Variants in EAF2 observed in about 807,000 individuals in gnomAD.
EAF2 encodes the protein ELL-associated factor 2.
In EAF2, 29 loss-of-function variants were observed where a neutral mutation model predicts 29.4. That is an observed-to-expected ratio of 0.99 (90% CI 0.73 to 1.35). The LOEUF (loss-of-function observed/expected upper bound fraction) is 1.35, where lower values mean the gene tolerates loss of function less well. Ranked by LOEUF, EAF2 falls within the 40% of genes most tolerant of loss-of-function variation. EAF2 has a pLI of 0.00. For synonymous variants in EAF2, 103 were observed against 102.5 expected, an observed-to-expected ratio of 1.00 and a Z score of -0.03; for missense variants, 292 against 312.0, an observed-to-expected ratio of 0.94 and a Z score of 0.48.
intron 4 of EAF2, among the ~76,000 whole-genome samples, chr3:121,865,782 C>T (rs1379559796): frequency 6.6e-6 from 1 of 152,188 alleles, no homozygotes; most frequent in Non-Finnish European, 1.5e-5. Flanking sequence ...TGAGTGACTG[C>T]ATTCCTCAAA....
chr3:121,846,811 G>A (rs1708537803), intron 2 of EAF2, among the ~76,000 whole-genome samples: 1 of 151,610 alleles, frequency 6.6e-6, no homozygotes, highest in Non-Finnish European at 1.5e-5. Context: ...AAAGAAATGA[G>A]GTTTCTTATG....
intron 4 of EAF2, among the ~76,000 whole-genome samples, chr3:121,867,448 A>G (rs919343472): frequency 2.6e-5 from 4 of 152,206 alleles, no homozygotes; most frequent in Admixed American, 1.3e-4. Context: ...TTAACATCCT[A>G]TTTCTCATCT....
At chr3:121,868,493 G>A (rs1320213305) in intron 4 of EAF2, among the ~76,000 whole-genome samples, 5 of 152,150 alleles carry the variant, frequency 3.3e-5, no homozygotes, top group Non-Finnish European at 7.4e-5. Flanking sequence ...AGCCACTCAG[G>A]AAGCTGAGGC....
chr3:121,869,079 A>G (rs1294698863), intron 4 of EAF2, among the ~76,000 whole-genome samples: 1 of 152,226 alleles, frequency 6.6e-6, no homozygotes, highest in Non-Finnish European at 1.5e-5. Context: ...AGATATCTCT[A>G]AACACTTGAA....
chr3:121,845,456 A>AG (rs1346391435), intron 2 of EAF2, among the ~76,000 whole-genome samples: 18 of 147,688 alleles, frequency 1.2e-4, no homozygotes, highest in Admixed American at 2.7e-4. Context: ...AAAAAAAAAA[A>AG]AAAAAAGAAA....
At chr3:121,851,466 A>G (rs933740095) in intron 2 of EAF2, among the ~76,000 whole-genome samples, 4 of 152,184 alleles carry the variant, frequency 2.6e-5, no homozygotes, top group Non-Finnish European at 5.9e-5. Context: ...GAGTCACCAC[A>G]CATGACCCAC....
At chr3:121,873,067 C>T in intron 5 of EAF2, 2 of 686,630 alleles carry the variant, frequency 2.9e-6, no homozygotes, top group Middle Eastern at 2.3e-4. Flanking sequence ...TCAAGGCTTA[C>T]TTTTGGGTTC....
In EAF2 at chr3:121,872,519, T is replaced by C. The variant is rs1355029608; in HGVS notation, c.485-18T>C. 20 of 1,562,958 alleles carry C rather than the reference T, an allele frequency of 1.3e-5. No individual in the cohort carries two copies. Among genetic ancestry groups the C allele is most frequent in the Non-Finnish European group, 1.7e-5 (19 of 1,147,678 alleles). Reference sequence around the variant, plus strand: ...ATTTTTTATTTAACCTATCTATTCATTTCTGTCTTATTTTCAGAACTGAAG... The same window carrying C: ...ATTTTTTATTTAACCTATCTATTCACTTCTGTCTTATTTTCAGAACTGAAG... On this transcript the variant is annotated intron_variant, in intron 4 of 5. Transcript: ENST00000273668.
At chr3:121,853,395 C>T (rs1336072696) in intron 2 of EAF2, among the ~76,000 whole-genome samples, 1 of 151,758 alleles carries the variant, frequency 6.6e-6, no homozygotes, top group Non-Finnish European at 1.5e-5. Context: ...TTTAAAAGTC[C>T]CTTCCTTTCT....
At chr3:121,879,931 AT>A (rs1709164978) in intron 5 of EAF2, among the ~76,000 whole-genome samples, 1 of 151,886 alleles carries the variant, frequency 6.6e-6, no homozygotes, top group South Asian at 2.1e-4. Flanking sequence ...TGTCTTTGGT[AT>A]TTTGATAGGT....
chr3:121,881,059 C>T (rs1285006078), intron 5 of EAF2, among the ~76,000 whole-genome samples: 1 of 152,220 alleles, frequency 6.6e-6, no homozygotes, highest in East Asian at 1.9e-4. Flanking sequence ...ACCATTCTTA[C>T]ATCTCTGGGA....
chr3:121,883,438 G>T (rs1709225497), intron 5 of EAF2, among the ~76,000 whole-genome samples: 1 of 152,178 alleles, frequency 6.6e-6, no homozygotes, highest in African/African-American at 2.4e-5. Flanking sequence ...CATGATAGCT[G>T]CATACTTGTA....
intron 1 of EAF2, among the ~76,000 whole-genome samples, chr3:121,844,039 C>A (rs1708478712): frequency 6.6e-6 from 1 of 151,918 alleles, no homozygotes; most frequent in African/African-American, 2.4e-5. Context: ...TGAACTAAGT[C>A]AGCAGCCATT....
intron 2 of EAF2, among the ~76,000 whole-genome samples, chr3:121,846,820 T>G (rs542503294): frequency 6.6e-6 from 1 of 152,312 alleles, no homozygotes; most frequent in African/African-American, 2.4e-5. Flanking sequence ...AGGTTTCTTA[T>G]GTTTAATAAT....
In EAF2 at chr3:121,835,227, C is replaced by T; in HGVS notation, c.-59C>T. Reference sequence around the variant, plus strand: ...CGGGATCAAGTGCAGCTGCTTCAGGCTGAGGTGGCAGATAGTGAGCGCTGG... The same window carrying T: ...CGGGATCAAGTGCAGCTGCTTCAGGTTGAGGTGGCAGATAGTGAGCGCTGG... On this transcript the variant is annotated 5_prime_UTR_variant, in exon 1 of 6. Coordinates refer to ENST00000273668, the MANE Select transcript of EAF2 (RefSeq NM_018456.6). The T allele has an allele frequency of 1.3e-6, 2 of 1,530,258 alleles. No individual in the cohort carries two copies. Among genetic ancestry groups the T allele is most frequent in the Non-Finnish European group, 9.1e-7 (1 of 1,104,252 alleles). 94.8% of individuals were successfully genotyped at this position (1,530,258 alleles called of 1,614,324 possible).
chr3:121,862,531 A>G (rs902627609), intron 4 of EAF2, among the ~76,000 whole-genome samples: 69 of 152,188 alleles, frequency 4.5e-4, no homozygotes, highest in African/African-American at 1.5e-3. Context: ...CAGGTCATTT[A>G]AGGTCTTCTC....
Position 121,860,050 on chromosome 3 carries a change from G to A in EAF2, c.484+2894G>A, listed in dbSNP as rs528899376. Among the ~76,000 whole-genome samples the A allele has an allele frequency of 2.6e-5, 4 of 152,310 alleles. No homozygotes were observed. The South Asian group carries it at 6.2e-4, about 24-fold the overall frequency. On this transcript the variant is annotated intron_variant, in intron 4 of 5. Transcript: ENST00000273668. ...CTTGATCATGGTGGATAAGCTTTTT[G>A]ATGTGCTGCTGGATTCAATTTGCCA...
chr3:121,835,514 G>A, intron 1 of EAF2, 123 bp downstream of exon 1: 1 of 862,632 alleles, frequency 1.2e-6, no homozygotes, highest in Non-Finnish European at 1.8e-6. Context: ...GGGGCGGGGA[G>A]GGGGGAGGCA....
chr3:121,884,891 A>T (rs898840680), intron 5 of EAF2, among the ~76,000 whole-genome samples: 6 of 152,180 alleles, frequency 3.9e-5, no homozygotes, highest in Non-Finnish European at 5.9e-5. Context: ...AAATATAAGA[A>T]TTTTTTTAAC....
Sources: allele counts gnomAD v4.1 joint callset (sites outside exome capture counted in the v4.1 genomes callset), GRCh38; gene constraint gnomAD v4.1.1; transcripts MANE v1.5; gene names NCBI Gene and HGNC (gene_info 2026-07-23, HGNC 2026-07-21).